PDE4B: variants seen among roughly 807,000 people sequenced by gnomAD.
The protein encoded by PDE4B is phosphodiesterase 4B.
In PDE4B, 20 loss-of-function variants were observed where a neutral mutation model predicts 82.2. The ratio of observed to expected loss-of-function variants is 0.24; its 90% confidence interval spans 0.17 to 0.35. PDE4B has a LOEUF of 0.35. PDE4B is among the 10% of genes least tolerant of loss of function. The probability of loss-of-function intolerance (pLI) is 1.00; values close to 1 mark genes in which losing one functional copy is unlikely to be tolerated. For missense variants in PDE4B, 655 were observed against 907.2 expected, an observed-to-expected ratio of 0.72 and a Z score of 3.57; for synonymous variants, 320 against 318.9, an observed-to-expected ratio of 1.00 and a Z score of -0.04.
intron 3 of PDE4B, among the ~76,000 whole-genome samples, chr1:66,187,420 C>T (rs988493406): frequency 6.6e-6 from 1 of 152,148 alleles, no homozygotes; most frequent in African/African-American, 2.4e-5. Flanking sequence ...ACCAGTTCCT[C>T]CTTGTACCTC....
At chr1:66,263,372 A>C (rs1174957669) in intron 6 of PDE4B, among the ~76,000 whole-genome samples, 1 of 152,262 alleles carries the variant, frequency 6.6e-6, no homozygotes. Flanking sequence ...AAGGCACAGC[A>C]ACAAAAGAGA....
intron 3 of PDE4B, among the ~76,000 whole-genome samples, chr1:66,033,149 G>T (rs1200598583): frequency 6.6e-6 from 1 of 152,046 alleles, no homozygotes; most frequent in Non-Finnish European, 1.5e-5. Flanking sequence ...TATTTTAGTG[G>T]CCCATATGTT....
chr1:66,173,737 CTT>C (rs1267206614), intron 3 of PDE4B, among the ~76,000 whole-genome samples: 2 of 152,122 alleles, frequency 1.3e-5, no homozygotes, highest in African/African-American at 4.8e-5. Flanking sequence ...TTAAGAATAA[CTT>C]TTTATTTTCT....
chr1:65,860,522 T>C (rs566505906), intron 1 of PDE4B, among the ~76,000 whole-genome samples: 1 of 152,368 alleles, frequency 6.6e-6, no homozygotes, highest in African/African-American at 2.4e-5. Flanking sequence ...TGCATGTGTC[T>C]TTATAGTAGA....
chr1:66,260,178 G>A (rs1362356056), intron 6 of PDE4B, among the ~76,000 whole-genome samples: 1 of 152,126 alleles, frequency 6.6e-6, no homozygotes, highest in Non-Finnish European at 1.5e-5. Flanking sequence ...ACAAATAAAG[G>A]TATTGTTACC....
intron 3 of PDE4B, among the ~76,000 whole-genome samples, chr1:65,935,038 T>A (rs1468014707): frequency 1.3e-5 from 2 of 152,156 alleles, no homozygotes; most frequent in Non-Finnish European, 2.9e-5. Context: ...AAAATATTCA[T>A]CTCATAGCTG....
In PDE4B at chr1:65,858,642, A is replaced by G. The variant is rs377254562; in HGVS notation, c.-70-54603A>G. On this transcript the variant is annotated intron_variant, in intron 1 of 16. Transcript: ENST00000341517. ...TTAGACTTAATTTTATAGTTTTTTC[A>G]TCTATCTTTTATACAACATTTTGGC... Among the ~76,000 whole-genome samples, 45 of 152,270 alleles carry G rather than the reference A, an allele frequency of 3.0e-4. 1 individual carries two copies. In the East Asian group the frequency reaches 8.5e-3, roughly 29 times the overall value.
At chr1:65,999,390 C>T (rs1651735848) in intron 3 of PDE4B, among the ~76,000 whole-genome samples, 1 of 152,200 alleles carries the variant, frequency 6.6e-6, no homozygotes, top group Admixed American at 6.5e-5. Flanking sequence ...ACCTCCTCTC[C>T]TGTTCTCCAG....
chr1:65,922,614 A>G (rs950883445), intron 3 of PDE4B, among the ~76,000 whole-genome samples: 4 of 152,208 alleles, frequency 2.6e-5, no homozygotes, highest in Non-Finnish European at 5.9e-5. Context: ...ACATAAATAG[A>G]AGGCCTACCC....
intron 3 of PDE4B, among the ~76,000 whole-genome samples, chr1:66,028,408 G>C (rs1313879781): frequency 2.6e-4 from 39 of 152,184 alleles, no homozygotes; most frequent in Admixed American, 2.6e-3. Context: ...CAAGGCCTGT[G>C]ATGGGAGGGG....
rs751552605 is a variant in PDE4B, at chr1:66,372,325, G to A, written c.1858G>A (p.Asp620Asn). The A allele has an allele frequency of 1.2e-6, 2 of 1,603,772 alleles. No individual in the cohort carries two copies. Among genetic ancestry groups the A allele is most frequent in the East Asian group, 2.2e-5 (1 of 44,648 alleles). ...SVEKSQVGFI[D>N]YIVHPLWETW... ...TATTTTTCTCCAGGTTGGTTTCATC[G>A]ACTACATTGTCCATCCATTGTGGGA... is the stretch of plus-strand genomic sequence containing the variant. The change falls in exon 17 of 17, where the codon GAC becomes AAC. Residue 620 changes from aspartate (D) to asparagine (N), a missense_variant. Physicochemically the swap from Asp to Asn is conservative, Grantham distance 23. Transcript: ENST00000341517.
chr1:66,247,392 C>T (rs1365601150), intron 3 of PDE4B, 68 bp from the exon 4 acceptor site: 1 of 1,083,498 alleles, frequency 9.2e-7, no homozygotes, highest in East Asian at 2.5e-5. Context: ...CACGTTGGTT[C>T]TCAGTGTATA....
At chr1:66,142,923 A>G (rs1424436324) in intron 3 of PDE4B, among the ~76,000 whole-genome samples, 1 of 152,208 alleles carries the variant, frequency 6.6e-6, no homozygotes, top group Non-Finnish European at 1.5e-5. Context: ...TCCCAGCATC[A>G]GAGAATGGGT....
chr1:66,141,205 T>C (rs1191062026), intron 3 of PDE4B, among the ~76,000 whole-genome samples: 1 of 151,498 alleles, frequency 6.6e-6, no homozygotes, highest in African/African-American at 2.4e-5. Context: ...GCACTGAGAA[T>C]ACTAAGGTTA....
chr1:66,339,706 A>G (rs550461362), intron 8 of PDE4B, among the ~76,000 whole-genome samples: 45 of 152,342 alleles, frequency 3.0e-4, no homozygotes, highest in Admixed American at 5.2e-4. Flanking sequence ...TTAGATTGTC[A>G]AATGTAAATG....
At chr1:66,228,485 A>C (rs1196137174) in intron 3 of PDE4B, among the ~76,000 whole-genome samples, 1 of 152,010 alleles carries the variant, frequency 6.6e-6, no homozygotes, top group East Asian at 1.9e-4. Context: ...TTAGCCAGAC[A>C]TGGTGGTGGG....
At chr1:65,916,201 C>A (rs1353515321) in intron 2 of PDE4B, among the ~76,000 whole-genome samples, 1 of 152,072 alleles carries the variant, frequency 6.6e-6, no homozygotes, top group African/African-American at 2.4e-5. Flanking sequence ...TACTTTGTGG[C>A]AATGCATTTA....
At chr1:65,948,338 A>G (rs1214663307) in intron 3 of PDE4B, among the ~76,000 whole-genome samples, 1 of 151,868 alleles carries the variant, frequency 6.6e-6, no homozygotes, top group Non-Finnish European at 1.5e-5. Context: ...AGAGCTTATT[A>G]TGTATTAACT....
chr1:65,937,002 G>T (rs185425196), intron 3 of PDE4B, among the ~76,000 whole-genome samples: 1 of 152,144 alleles, frequency 6.6e-6, no homozygotes, highest in African/African-American at 2.4e-5. Flanking sequence ...TGTAGGAAGA[G>T]GCACGGAAAT....
Sources: allele counts gnomAD v4.1 joint callset (sites outside exome capture counted in the v4.1 genomes callset), GRCh38; gene constraint gnomAD v4.1.1; transcripts MANE v1.5; gene names NCBI Gene and HGNC (gene_info 2026-07-23, HGNC 2026-07-21).